EIF2AK4: variants seen among roughly 807,000 people sequenced by gnomAD.
EIF2AK4 encodes eIF-2-alpha kinase GCN2.
In EIF2AK4, 139 loss-of-function variants were observed where a neutral mutation model predicts 211.1. That is an observed-to-expected ratio of 0.66 (90% confidence interval 0.57 to 0.76). The LOEUF (loss-of-function observed/expected upper bound fraction) is 0.76. Ranked by LOEUF, EIF2AK4 falls within the 30% of genes least tolerant of loss-of-function variation. EIF2AK4 has a pLI of 0.00. For missense variants in EIF2AK4, 1,664 were observed against 2,043.8 expected (o/e 0.81, Z 3.58); for synonymous variants, 710 against 751.3 (o/e 0.94, Z 0.90).
chr15:40,032,579 C>T (rs2140952726), intron 36 of EIF2AK4, among the ~76,000 whole-genome samples, 178 bp from the exon 37 acceptor site: 1 of 152,236 alleles, frequency 6.6e-6, no homozygotes, highest in East Asian at 1.9e-4. Context: ...GTTTCCACTG[C>T]TTATTAATTC....
In EIF2AK4 at chr15:39,955,693, C is replaced by G. The variant is rs199807868; in HGVS notation, c.668C>G (p.Ala223Gly). ...SKKDPGGHRT[A>G]AILHGGSPDF... is the part of the protein sequence containing the mutation. ...AAGGACCCAGGAGGACACAGAACGGCTGCCATTCTACATGGAGGCTCTCCT... is the reference window on the plus strand; with the variant it reads ...AAGGACCCAGGAGGACACAGAACGGGTGCCATTCTACATGGAGGCTCTCCT... The change falls in exon 6 of 39, where the codon GCT (alanine) becomes GGT (glycine). Residue 223 changes from alanine to glycine, a missense_variant. Transcript: ENST00000263791. 91 of 1,613,250 alleles carry G rather than the reference C, an allele frequency of 5.6e-5. No homozygotes were observed. In the East Asian group the frequency reaches 7.6e-4, roughly 13 times the overall value.
chr15:39,961,612 C>T (rs745841738), intron 6 of EIF2AK4, among the ~76,000 whole-genome samples, 172 bp from the exon 7 acceptor site: 8 of 152,108 alleles, frequency 5.3e-5, no homozygotes, highest in Non-Finnish European at 7.3e-5. Flanking sequence ...ACCGCCTACT[C>T]AATTCCCAGT....
intron 13 of EIF2AK4, among the ~76,000 whole-genome samples, chr15:39,979,188 G>T (rs1025182713): frequency 6.6e-6 from 1 of 152,190 alleles, no homozygotes; most frequent in African/African-American, 2.4e-5. Context: ...AAGCAAAGAT[G>T]TGGGAAGTAG....
intron 35 of EIF2AK4, 29 bp from the exon 36 acceptor site, chr15:40,032,140 G>A: frequency 6.3e-6 from 10 of 1,578,910 alleles, no homozygotes; most frequent in Non-Finnish European, 8.7e-6. Flanking sequence ...GGTTTAACAT[G>A]TTCTGAATTC....
intron 18 of EIF2AK4, among the ~76,000 whole-genome samples, chr15:39,995,569 G>A (rs1317718078): frequency 6.6e-6 from 1 of 151,100 alleles, no homozygotes; most frequent in Non-Finnish European, 1.5e-5. Flanking sequence ...TTGCCTTTTT[G>A]CTTCTTTTTT....
At chr15:39,960,163 C>CAAAAA (rs926246870) in intron 6 of EIF2AK4, among the ~76,000 whole-genome samples, 3 of 46,460 alleles carry the variant, frequency 6.5e-5, no homozygotes, top group East Asian at 6.2e-4. Context: ...GACTCCATCT[C>CAAAAA]AAAAAAAAAA....
chr15:39,970,617 A>C (rs145208062), intron 9 of EIF2AK4, among the ~76,000 whole-genome samples: 2,602 of 152,278 alleles, frequency 0.017, 30 homozygotes, highest in Non-Finnish European at 0.026. Flanking sequence ...TGTATATAAG[A>C]TGATATTGCT....
chr15:39,971,831 A>G (rs2034629683), intron 9 of EIF2AK4, among the ~76,000 whole-genome samples: 1 of 152,208 alleles, frequency 6.6e-6, no homozygotes. Flanking sequence ...CTCTTGTTAA[A>G]GCACAGATCA....
chr15:40,006,366 T>C (rs2035162705), intron 23 of EIF2AK4, among the ~76,000 whole-genome samples: 1 of 152,232 alleles, frequency 6.6e-6, no homozygotes, highest in African/African-American at 2.4e-5. Context: ...TAAAGCTGGC[T>C]TCTTATTCTC....
intron 12 of EIF2AK4, chr15:39,977,191 C>T (rs1369774550): frequency 4.9e-6 from 1 of 203,366 alleles, no homozygotes; most frequent in Non-Finnish European, 9.8e-6. Context: ...CAAATGCAAT[C>T]TAAAGGAGCG....
At chr15:39,990,874 T>TG (rs1312371570) in intron 16 of EIF2AK4, among the ~76,000 whole-genome samples, 1 of 152,024 alleles carries the variant, frequency 6.6e-6, no homozygotes, top group African/African-American at 2.4e-5. Context: ...GGCCCCAGGG[T>TG]GGGAATTCCA....
intron 13 of EIF2AK4, among the ~76,000 whole-genome samples, chr15:39,983,113 A>G (rs912946743): frequency 6.6e-6 from 1 of 152,212 alleles, no homozygotes; most frequent in Non-Finnish European, 1.5e-5. Flanking sequence ...TCCTTGAGGA[A>G]TTGCCACACT....
At chr15:40,002,540 G>A in intron 21 of EIF2AK4, 173 bp from the exon 22 acceptor site, 1 of 595,522 alleles carries the variant, frequency 1.7e-6, no homozygotes. Context: ...AGCAGGCCAT[G>A]AAAGATATGT....
At position 39,945,127 on chromosome 15, in the gene EIF2AK4, T is replaced by G. The variant is rs2196469; in HGVS notation, c.360+1642T>G. 4.7e-4 allele frequency among the ~76,000 whole-genome samples: 72 copies of G among 152,218 alleles called. 1 individual carries two copies. The South Asian group carries it at 0.015, about 31-fold the overall frequency. Reference sequence around the variant, plus strand: ...AGAAACCTCTGGTTTCTTGGATTTTTGATTTGTGATTTAAATTTTTTTTTT... The same window carrying G: ...AGAAACCTCTGGTTTCTTGGATTTTGGATTTGTGATTTAAATTTTTTTTTT... On this transcript the variant is annotated intron_variant, in intron 3 of 38. Coordinates refer to ENST00000263791, the MANE Select transcript of EIF2AK4 (RefSeq NM_001013703.4).
chr15:40,009,069 T>TTTTTGGTTTG (rs2035201359), intron 25 of EIF2AK4, among the ~76,000 whole-genome samples: 1 of 146,642 alleles, frequency 6.8e-6, no homozygotes. Flanking sequence ...GTCAGAGTTG[T>TTTTTGGTTTG]TTTTGTTTTG....
At chr15:39,980,428 C>T (rs2034765429) in intron 13 of EIF2AK4, among the ~76,000 whole-genome samples, 1 of 152,174 alleles carries the variant, frequency 6.6e-6, no homozygotes, top group South Asian at 2.1e-4. Context: ...CCAAACAATG[C>T]ATCAAACATA....
chr15:39,998,755 G>C lies in EIF2AK4; in HGVS notation c.2893G>C (p.Asp965His). 6.2e-7 allele frequency: 1 copy of C among 1,613,088 alleles called. No homozygotes were observed. The highest frequency in any genetic ancestry group is 8.5e-7 in the Non-Finnish European group (1 of 1,179,480). Residue 965 changes from aspartate to histidine, a missense_variant, in exon 20 of 39, where the codon GAC becomes CAC. Around this residue, in one of 7 missense-constraint regions of EIF2AK4, gnomAD observed 622 missense variants for 796.8 expected, o/e 0.78. Transcript: ENST00000263791. ...GCCCACTTCGCCTAAGTTTCCAGAA[G>C]ACTTTGACGATGGAGAGCATGCAAA... ...RDPTSPKFPE[D>H]FDDGEHAKQK...
At chr15:40,022,136 C>T (rs2035396366) in intron 31 of EIF2AK4, 1 of 168,178 alleles carries the variant, frequency 5.9e-6, no homozygotes, top group Non-Finnish European at 1.2e-5. Flanking sequence ...TTTCACCTTC[C>T]CTTATTTCCT....
chr15:40,019,150 A>G lies in EIF2AK4; in HGVS notation c.4123A>G (p.Ser1375Gly), dbSNP rs1416445131. The change falls in exon 30 of 39, where the codon AGC becomes GGC. Residue 1375 changes from serine to glycine, a missense_variant. Physicochemically the swap from Ser to Gly is moderately conservative, Grantham distance 56. Transcript: ENST00000263791. ...LGPVPTAIGV[S>G]IAIDKISAAV... ...GCCAGTTCCCACTGCCATTGGGGTC[A>G]GCATAGCTATAGACAAGATATCTGC... 2 of 1,606,900 alleles carry G rather than the reference A, an allele frequency of 1.2e-6. No homozygotes were observed. Among genetic ancestry groups the G allele is most frequent in the East Asian group, 2.2e-5 (1 of 44,648 alleles).
Sources: allele counts gnomAD v4.1 joint callset (sites outside exome capture counted in the v4.1 genomes callset), GRCh38; gene constraint gnomAD v4.1.1; regional missense constraint gnomAD v4.1.1; transcripts MANE v1.5; gene names NCBI Gene and HGNC (gene_info 2026-07-23, HGNC 2026-07-21).